The following ALK variants were observed in gnomAD, a reference collection of about 807,000 sequenced individuals.
ALK encodes the protein ALK tyrosine kinase receptor.
ALK carries 74 observed loss-of-function variants against 163.1 expected under a neutral mutation model. The ratio of observed to expected loss-of-function variants is 0.45; its 90% CI spans 0.38 to 0.55. The LOEUF is 0.55. ALK is among the 20% of genes least tolerant of loss of function. The pLI is 0.00. For missense variants in ALK, 2,063 were observed against 2,105.3 expected (o/e 0.98, Z 0.39); for synonymous variants, 960 against 843.2 (o/e 1.14, Z -2.40).
chr2:29,380,070 C>G (rs890389486), intron 5 of ALK, among the ~76,000 whole-genome samples: 4 of 150,396 alleles, frequency 2.7e-5, no homozygotes, highest in African/African-American at 9.8e-5. Context: ...ACGGCTAAAG[C>G]AGGAGGAAAA....
intron 25 of ALK, chr2:29,207,930 C>A: frequency 2.5e-6 from 1 of 392,232 alleles, no homozygotes; most frequent in Non-Finnish European, 5.4e-6. Context: ...AATTGCATGT[C>A]TAGCCTGGTG....
At chr2:29,711,813 G>A (rs1423681702) in intron 2 of ALK, among the ~76,000 whole-genome samples, 2 of 152,160 alleles carry the variant, frequency 1.3e-5, no homozygotes, top group African/African-American at 4.8e-5. Flanking sequence ...GTCTCTCTCT[G>A]TCTCTGTCCC....
chr2:29,511,757 C>T (rs1160985669), intron 4 of ALK, among the ~76,000 whole-genome samples: 2 of 152,154 alleles, frequency 1.3e-5, no homozygotes, highest in Admixed American at 6.5e-5. Flanking sequence ...TGTATTCTCA[C>T]CAGTAGTATA....
intron 9 of ALK, among the ~76,000 whole-genome samples, chr2:29,287,713 G>A (rs1244797891): frequency 6.6e-6 from 1 of 151,822 alleles, no homozygotes; most frequent in Non-Finnish European, 1.5e-5. Flanking sequence ...GGCTTCCTAA[G>A]CTCTTTGCCC....
At chr2:29,707,253 T>C (rs747798934) in intron 2 of ALK, among the ~76,000 whole-genome samples, 3 of 152,092 alleles carry the variant, frequency 2.0e-5, no homozygotes, top group Non-Finnish European at 4.4e-5. Flanking sequence ...CACTTACTCT[T>C]CTGTCTCTAA....
At chr2:29,288,564 A>G (rs185005945) in intron 9 of ALK, among the ~76,000 whole-genome samples, 1 of 152,290 alleles carries the variant, frequency 6.6e-6, no homozygotes, top group Admixed American at 6.5e-5. Context: ...ATGTGTGATA[A>G]CACCTGCTGC....
chr2:29,847,922 T>C (rs150065049), intron 1 of ALK, among the ~76,000 whole-genome samples: 14 of 151,828 alleles, frequency 9.2e-5, no homozygotes, highest in Middle Eastern at 3.4e-3. Flanking sequence ...GAAGCAGAGA[T>C]GGGAAAGAGT....
At chr2:29,344,930 A>G (rs1376693910) in intron 5 of ALK, among the ~76,000 whole-genome samples, 1 of 152,154 alleles carries the variant, frequency 6.6e-6, no homozygotes, top group East Asian at 1.9e-4. Context: ...GGGAATAGTG[A>G]CTTGTCTGTG....
chr2:29,770,165 A>G (rs918846261), intron 1 of ALK, among the ~76,000 whole-genome samples: 1 of 152,184 alleles, frequency 6.6e-6, no homozygotes, highest in African/African-American at 2.4e-5. Flanking sequence ...GAGGAGGGTA[A>G]ACTACCAAGT....
intron 5 of ALK, among the ~76,000 whole-genome samples, chr2:29,330,069 G>GCCACCCAGCATTGT (rs1348768681): frequency 6.6e-6 from 1 of 152,136 alleles, no homozygotes; most frequent in Non-Finnish European, 1.5e-5. Flanking sequence ...ACAGCACACG[G>GCCACCCAGCATTGT]CCACCCAGCA....
chr2:29,216,917 C>G (rs1463226613), intron 23 of ALK, among the ~76,000 whole-genome samples: 1 of 53,912 alleles, frequency 1.9e-5, no homozygotes, highest in Non-Finnish European at 4.9e-5. Flanking sequence ...TGGTATATGT[C>G]TTTATGGTGT....
At chr2:29,678,734 G>A (rs1677969346) in intron 3 of ALK, among the ~76,000 whole-genome samples, 1 of 150,870 alleles carries the variant, frequency 6.6e-6, no homozygotes, top group Non-Finnish European at 1.5e-5. Context: ...ATATAATACT[G>A]ATTTTTTACT....
chr2:29,279,458 A>C (rs1242723576), intron 9 of ALK, among the ~76,000 whole-genome samples: 1 of 152,066 alleles, frequency 6.6e-6, no homozygotes, highest in East Asian at 1.9e-4. Context: ...TGAGCTGCTG[A>C]AGGATGGGTG....
intron 3 of ALK, among the ~76,000 whole-genome samples, chr2:29,649,904 T>C (rs140704200): frequency 6.6e-6 from 1 of 152,320 alleles, no homozygotes; most frequent in East Asian, 1.9e-4. Context: ...CTAATATCTT[T>C]TCATGAACTC....
Position 29,208,084 on chromosome 2 carries a change from CT to C in ALK, c.3837-813del, listed in dbSNP as rs59652663. The C allele has an allele frequency of 2.4e-4, 110 of 453,946 alleles. No homozygotes were observed. In the East Asian group the frequency reaches 7.2e-3, roughly 30 times the overall value. The allele number at this position is 453,946 out of a possible 1,614,324, so 28.1% of individuals were successfully genotyped here. On this transcript the variant is annotated intron_variant, in intron 25 of 28. Transcript: ENST00000389048. The stretch of plus-strand genomic sequence containing the variant: ...AGGACATAAATAGGTCAGTCTCTCT[CT>C]CCCAAGGATATTGTTTAGTGGAAGA...
chr2:29,830,685 A>G (rs544603811), intron 1 of ALK, among the ~76,000 whole-genome samples: 2 of 136,932 alleles, frequency 1.5e-5, no homozygotes, highest in Admixed American at 8.0e-5. Flanking sequence ...CCTGGAAAAC[A>G]CAGCAAGACC....
At chr2:29,913,544 C>A (rs1243294663) in intron 1 of ALK, among the ~76,000 whole-genome samples, 1 of 152,170 alleles carries the variant, frequency 6.6e-6, no homozygotes, top group African/African-American at 2.4e-5. Context: ...TCTCAGCTCT[C>A]TCCACATGAT....
chr2:29,392,358 T>C (rs1669194550), intron 4 of ALK, among the ~76,000 whole-genome samples: 1 of 152,226 alleles, frequency 6.6e-6, no homozygotes, highest in South Asian at 2.1e-4. Context: ...CTTCCTACTA[T>C]AATGCACATA....
rs769660063 is a variant in ALK at position 29,222,625 on chromosome 2, C to A, written c.3360-18G>T. The A allele has an allele frequency of 6.2e-7, 1 of 1,609,964 alleles. No individual in the cohort carries two copies. The highest frequency in any genetic ancestry group is 8.5e-7 in the Non-Finnish European group (1 of 1,177,606). The stretch of plus-strand genomic sequence containing the variant: ...CCAGACCCCTGTGCAAAGGAGAAGA[C>A]AAGAGGAGACAGAGTCAAACAGGCC... On this transcript the variant is annotated intron_variant, in intron 20 of 28. Transcript: ENST00000389048.
Sources: gnomAD v4.1 joint callset for allele counts (sites outside exome capture counted in the v4.1 genomes callset) on GRCh38, gnomAD v4.1.1 for gene constraint, MANE v1.5 for transcripts, NCBI Gene and HGNC (gene_info 2026-07-23, HGNC 2026-07-21) for gene names.